The following DAB1 variants were observed in gnomAD, a reference collection of about 807,000 sequenced individuals.
DAB1 encodes disabled homolog 1.
In DAB1, 15 loss-of-function variants were observed where a neutral mutation model predicts 64.6. The observed-to-expected ratio is 0.23, with a 90% CI of 0.16 to 0.36. The LOEUF is 0.36. Ranked by LOEUF, DAB1 falls within the 10% of genes least tolerant of loss-of-function variation. The pLI is 1.00. For synonymous variants in DAB1, 235 were observed against 251.9 expected (o/e 0.93, Z 0.64); for missense variants, 596 against 706.7 (o/e 0.84, Z 1.78).
In DAB1 at chr1:58,337,747, G is replaced by A. The variant is rs545569708; in HGVS notation, n.309+5605C>T. ...ATGTGTATTAATCATATATGAAAAT[G>A]GACACAATCTCTGTATATAAATGGA... On this transcript the variant is annotated intron_variant and non_coding_transcript_variant, in intron 4 of 20. Transcript: ENST00000485760. Among the ~76,000 whole-genome samples, 73 of 152,164 alleles carry A rather than the reference G, an allele frequency of 4.8e-4. 1 individual carries two copies. The highest frequency in any genetic ancestry group is 1.7e-3 in the African/African-American group (69 of 41,524).
chr1:57,320,328 C>T (rs188509660), intron 1 of DAB1, among the ~76,000 whole-genome samples: 35 of 152,306 alleles, frequency 2.3e-4, no homozygotes, highest in African/African-American at 8.2e-4. Context: ...GTATTCTTTA[C>T]AGCAGTGTGA....
chr1:58,222,832 T>C (rs906154421), intron 4 of DAB1, among the ~76,000 whole-genome samples: 6 of 152,212 alleles, frequency 3.9e-5, no homozygotes, highest in East Asian at 1.9e-4. Flanking sequence ...AAGCATATTG[T>C]ACATAGTACA....
intron 1 of DAB1, chr1:58,530,577 T>C: frequency 1.2e-6 from 1 of 865,950 alleles, no homozygotes; most frequent in South Asian, 1.3e-5. Context: ...CTATGATCAA[T>C]TCAAGTTATT....
chr1:57,010,673 T>C lies in DAB1; in HGVS notation c.*15+7A>G. On this transcript the variant is annotated splice_region_variant and intron_variant, in intron 14 of 14. Coordinates refer to ENST00000371236, the MANE Select transcript of DAB1 (RefSeq NM_001365792.1). Reference sequence around the variant, plus strand: ...GGGTAAAGGAGATAAAAAGGACAGATACCTACCCAGACCTGCGCTATCTAG... The same window carrying C: ...GGGTAAAGGAGATAAAAAGGACAGACACCTACCCAGACCTGCGCTATCTAG... 6.8e-7 allele frequency: 1 copy of C among 1,473,776 alleles called. No homozygotes were observed. Among genetic ancestry groups the C allele is most frequent in the Non-Finnish European group, 9.1e-7 (1 of 1,093,354 alleles). The allele number at this position is 1,473,776 out of a possible 1,614,324, so 91.3% of individuals were successfully genotyped here.
At chr1:57,291,486 T>C (rs1422852328) in intron 1 of DAB1, among the ~76,000 whole-genome samples, 1 of 152,088 alleles carries the variant, frequency 6.6e-6, no homozygotes, top group African/African-American at 2.4e-5. Flanking sequence ...ATAGCAAAGG[T>C]ATGTCCTGAC....
chr1:57,865,167 A>C (rs1386771865), intron 1 of DAB1: 1 of 152,096 alleles, frequency 6.6e-6, no homozygotes, highest in Non-Finnish European at 1.5e-5. Context: ...GAAACCAGAA[A>C]AGGCATATCT....
intron 5 of DAB1, among the ~76,000 whole-genome samples, chr1:58,003,820 G>A (rs552518097): frequency 1.2e-4 from 19 of 152,270 alleles, no homozygotes; most frequent in South Asian, 6.2e-4. Context: ...AAACTGACAC[G>A]GCCCCTTCTC....
intron 2 of DAB1, among the ~76,000 whole-genome samples, chr1:57,257,497 A>G (rs1274560141): frequency 2.0e-5 from 3 of 152,202 alleles, no homozygotes; most frequent in African/African-American, 4.8e-5. Flanking sequence ...ATCCCACTTT[A>G]AAGATGAAGA....
At chr1:57,027,140 G>A (rs1297713062) in intron 9 of DAB1, among the ~76,000 whole-genome samples, 1 of 152,148 alleles carries the variant, frequency 6.6e-6, no homozygotes, top group Non-Finnish European at 1.5e-5. Flanking sequence ...ATCCAAAGAA[G>A]GGAATGTTCT....
At chr1:58,285,537 G>C (rs569887762) in intron 4 of DAB1, among the ~76,000 whole-genome samples, 1 of 152,144 alleles carries the variant, frequency 6.6e-6, no homozygotes, top group Non-Finnish European at 1.5e-5. Flanking sequence ...GGCAAGCAGA[G>C]AGCCAAATCA....
intron 6 of DAB1, among the ~76,000 whole-genome samples, chr1:57,761,347 T>A (rs1376251710): frequency 6.6e-6 from 1 of 152,230 alleles, no homozygotes; most frequent in Non-Finnish European, 1.5e-5. Flanking sequence ...TATTTTAATC[T>A]ATTTTGTATT....
chr1:57,104,414 A>T (rs1183345429), intron 4 of DAB1, among the ~76,000 whole-genome samples: 1 of 152,228 alleles, frequency 6.6e-6, no homozygotes, highest in Admixed American at 6.5e-5. Context: ...CAGTCAATTT[A>T]AAAATTTCAA....
At chr1:58,104,786 T>C (rs1019875685) in intron 5 of DAB1, among the ~76,000 whole-genome samples, 1 of 152,232 alleles carries the variant, frequency 6.6e-6, no homozygotes, top group Non-Finnish European at 1.5e-5. Context: ...GGTAACCATG[T>C]AATGTGATTT....
chr1:57,921,253 C>T (rs1278008026), intron 5 of DAB1, among the ~76,000 whole-genome samples: 2 of 152,106 alleles, frequency 1.3e-5, no homozygotes, highest in African/African-American at 4.8e-5. Flanking sequence ...TATGTAAACC[C>T]ATGCACGTGT....
chr1:57,097,664 A>T (rs1414099293), intron 4 of DAB1, among the ~76,000 whole-genome samples: 1 of 152,192 alleles, frequency 6.6e-6, no homozygotes, highest in Non-Finnish European at 1.5e-5. Flanking sequence ...TGTCACCTAA[A>T]CTACTTTAAG....
chr1:57,037,821 G>C (rs138816239), intron 9 of DAB1, among the ~76,000 whole-genome samples: 32 of 152,304 alleles, frequency 2.1e-4, no homozygotes, highest in South Asian at 6.2e-4. Context: ...CAAGTGGCTT[G>C]AGGTGGGGAA....
intron 5 of DAB1, among the ~76,000 whole-genome samples, chr1:58,072,296 G>A (rs1210762701): frequency 6.6e-6 from 1 of 152,124 alleles, no homozygotes; most frequent in East Asian, 1.9e-4. Flanking sequence ...CATTCATAGT[G>A]TTGACTGGTT....
chr1:57,181,046 A>T (rs1662872091), intron 2 of DAB1, among the ~76,000 whole-genome samples: 1 of 152,162 alleles, frequency 6.6e-6, no homozygotes, highest in South Asian at 2.1e-4. Flanking sequence ...GGGCATCTTT[A>T]TCTCTGTCCG....
At chr1:57,931,043 G>A (rs1299220260) in intron 5 of DAB1, among the ~76,000 whole-genome samples, 2 of 152,094 alleles carry the variant, frequency 1.3e-5, no homozygotes, top group Non-Finnish European at 2.9e-5. Flanking sequence ...ATTGGTAGCT[G>A]ACAGTTTTTA....
Sources: gnomAD v4.1 joint callset for allele counts (sites outside exome capture counted in the v4.1 genomes callset) on GRCh38, gnomAD v4.1.1 for gene constraint, MANE v1.5 for transcripts, NCBI Gene and HGNC (gene_info 2026-07-23, HGNC 2026-07-21) for gene names.